Variants in TMEM102 observed in about 807,000 individuals in gnomAD.
TMEM102 encodes the protein DANGER family member 2B.
Under a neutral mutation model 26.8 loss-of-function variants are expected in TMEM102, and 28 were observed. The ratio of observed to expected loss-of-function variants is 1.05; its 90% CI spans 0.77 to 1.43. The LOEUF (loss-of-function observed/expected upper bound fraction) is 1.43. Among genes scored for constraint, TMEM102 ranks in the 40% most tolerant of loss-of-function variants. The probability of loss-of-function intolerance (pLI) is 0.00; values close to 1 mark genes in which losing one functional copy is unlikely to be tolerated. For missense variants in TMEM102, 677 were observed against 705.6 expected (o/e 0.96, Z 0.46); for synonymous variants, 306 against 332.1 (o/e 0.92, Z 0.86).
chr17:7,436,455 G>A lies in TMEM102; in HGVS notation c.476G>A (p.Trp159Ter). ...MVCGTPIREM[W>*]QDCLGPPVPG... ...TGCGGAACCCCCATCCGGGAGATGT[G>A]GCAGGATTGCTTAGGACCCCCAGTC... The change falls in exon 3 of 3, where the codon TGG becomes TAG. Residue 159 changes from tryptophan to a stop codon, truncating the protein, a stop_gained. Coordinates refer to ENST00000323206, the MANE Select transcript of TMEM102 (RefSeq NM_178518.3). LOFTEE classifies it low-confidence loss of function (END_TRUNC). 1 of 1,613,824 alleles carries A rather than the reference G, an allele frequency of 6.2e-7. No individual in the cohort carries two copies. Among genetic ancestry groups the A allele is most frequent in the Non-Finnish European group, 8.5e-7 (1 of 1,180,038 alleles).
In TMEM102 at chr17:7,437,370, A is replaced by G. The variant is rs771055675; in HGVS notation, c.1391A>G (p.Asp464Gly). ...AACGGCCGACAGCTCCGTACGGGGGACGACTCCGCTGCGCTGCTCGGAGAA... is the reference window on the plus strand; with the variant it reads ...AACGGCCGACAGCTCCGTACGGGGGGCGACTCCGCTGCGCTGCTCGGAGAA... ...FLNGRQLRTGDDSAALLGELA... is the reference protein window; with the variant it reads ...FLNGRQLRTGGDSAALLGELA... Residue 464 changes from aspartate to glycine, a missense_variant, in exon 3 of 3, where the codon GAC becomes GGC. By Grantham distance (94) the Asp-to-Gly change is moderately conservative (BLOSUM62 -1). Coordinates refer to ENST00000323206, the MANE Select transcript of TMEM102 (RefSeq NM_178518.3). This position sits in a 1 kb window ranked among gnomAD's most constrained non-coding sequence, Gnocchi z 4.2. The G allele has an allele frequency of 1.3e-6, 2 of 1,565,442 alleles. No homozygotes were observed. Among genetic ancestry groups the G allele is most frequent in the South Asian group, 1.2e-5 (1 of 85,212 alleles).
intron 2 of TMEM102, 33 bp from the exon 3 acceptor site, chr17:7,436,161 G>A: frequency 6.2e-7 from 1 of 1,602,496 alleles, no homozygotes; most frequent in Non-Finnish European, 8.5e-7. Flanking sequence ...CCGGCTTTGG[G>A]CGACGCCCTC....
chr17:7,435,710 C>A lies in TMEM102; in HGVS notation c.-20+14C>A. On this transcript the variant is annotated intron_variant, in intron 1 of 2. Transcript: ENST00000323206. Reference sequence around the variant, plus strand: ...AGGATAGAAGAGGTATTTATTTGTTCATTTTGAGGACTAAATTTAGAACCC... The same window carrying A: ...AGGATAGAAGAGGTATTTATTTGTTAATTTTGAGGACTAAATTTAGAACCC... 1 of 651,562 alleles carries A rather than the reference C, an allele frequency of 1.5e-6. No individual in the cohort carries two copies. Among genetic ancestry groups the A allele is most frequent in the Non-Finnish European group, 2.7e-6 (1 of 376,276 alleles). 40.4% of individuals were successfully genotyped at this position (651,562 alleles called of 1,614,324 possible).
chr17:7,436,472 C>A lies in TMEM102; in HGVS notation c.493C>A (p.Pro165Thr). The change falls in exon 3 of 3, where the codon CCC becomes ACC. Residue 165 changes from proline (P) to threonine (T), a missense_variant. By Grantham distance (38) the Pro-to-Thr change is conservative. Transcript: ENST00000323206. ...IREMWQDCLG[P>T]PVPGARDSIH... ...GGAGATGTGGCAGGATTGCTTAGGA[C>A]CCCCAGTCCCAGGAGCACGTGATTC... is the stretch of plus-strand genomic sequence containing the variant. 6.2e-7 allele frequency: 1 copy of A among 1,613,726 alleles called. No individual in the cohort carries two copies. Among genetic ancestry groups the A allele is most frequent in the Non-Finnish European group, 8.5e-7 (1 of 1,180,038 alleles).
At position 7,437,389 on chromosome 17, in the gene TMEM102, C is replaced by G. The variant is rs2150831326; in HGVS notation, c.1410C>G (p.Leu470=). 1 of 1,551,066 alleles carries G rather than the reference C, an allele frequency of 6.4e-7. No individual in the cohort carries two copies. Among genetic ancestry groups the G allele is most frequent in the Non-Finnish European group, 8.7e-7 (1 of 1,149,676 alleles). The part of the protein sequence containing the change: ...LRTGDDSAAL[L]GELARLRGDP... ...CGGGGGACGACTCCGCTGCGCTGCT[C>G]GGAGAATTGGCCCGGCTCCGCGGGG... Residue 470 remains leucine (L), a synonymous_variant, in exon 3 of 3, where the codon CTC becomes CTG. Coordinates refer to ENST00000323206, the MANE Select transcript of TMEM102 (RefSeq NM_178518.3). The surrounding 1 kb of genome is among the most constrained non-coding windows in gnomAD (Gnocchi z 4.2).
Position 7,437,145 on chromosome 17 carries a change from C to T in TMEM102, c.1166C>T (p.Ala389Val). Residue 389 changes from alanine (A) to valine (V), a missense_variant, in exon 3 of 3, where the codon GCC becomes GTC. Physicochemically the swap from Ala to Val is moderately conservative, Grantham distance 64 (BLOSUM62 0). Coordinates refer to ENST00000323206, the MANE Select transcript of TMEM102 (RefSeq NM_178518.3). The surrounding 1 kb of genome is among the most constrained non-coding windows in gnomAD (Gnocchi z 4.2). The stretch of plus-strand genomic sequence containing the variant: ...CCGCTGCTGCAGGCGCACGCGGCGG[C>T]CCAGGCGCTACTGCGCCCGCTGGTG... ...PAPLLQAHAA[A>V]QALLRPLVAG... 1 of 1,469,406 alleles carries T rather than the reference C, an allele frequency of 6.8e-7. No individual in the cohort carries two copies. The highest frequency in any genetic ancestry group is 2.7e-5 in the East Asian group (1 of 36,496). The allele number at this position is 1,469,406 out of a possible 1,614,324, so 91.0% of individuals were successfully genotyped here. A position where few individuals can be genotyped will look rare whatever the true frequency, so the allele number is the denominator to read the frequency against.
Position 7,435,448 on chromosome 17 carries a change from C to A in TMEM102, c.-268C>A. On this transcript the variant is annotated 5_prime_UTR_variant, in exon 1 of 3. Coordinates refer to ENST00000323206, the MANE Select transcript of TMEM102 (RefSeq NM_178518.3). Reference sequence around the variant, plus strand: ...AAATGTAGGGGCGTGGCCACGTGGGCATCAGGAAGAAGTAACCTGTTGAAT... The same window carrying A: ...AAATGTAGGGGCGTGGCCACGTGGGAATCAGGAAGAAGTAACCTGTTGAAT... The A allele has an allele frequency of 6.3e-6, 1 of 159,396 alleles. No homozygotes were observed. Among genetic ancestry groups the A allele is most frequent in the East Asian group, 1.8e-4 (1 of 5,522 alleles). The allele number at this position is 159,396 out of a possible 1,614,324, so 9.9% of individuals were successfully genotyped here. A position where few individuals can be genotyped will look rare whatever the true frequency, so the allele number is the denominator to read the frequency against.
At position 7,437,358 on chromosome 17, in the gene TMEM102, T is replaced by G. The variant is rs1224289887; in HGVS notation, c.1379T>G (p.Leu460Arg). 4 of 1,568,760 alleles carry G rather than the reference T, an allele frequency of 2.5e-6. No homozygotes were observed. Among genetic ancestry groups the G allele is most frequent in the Non-Finnish European group, 2.6e-6 (3 of 1,159,576 alleles). ...CACTATTTTCTGAACGGCCGACAGC[T>G]CCGTACGGGGGACGACTCCGCTGCG... ...LPHYFLNGRQ[L>R]RTGDDSAALL... is the part of the protein sequence containing the mutation. The change falls in exon 3 of 3, where the codon CTC (leucine) becomes CGC (arginine). Residue 460 changes from leucine to arginine, a missense_variant. Physicochemically the swap from Leu to Arg is moderately radical, Grantham distance 102 (BLOSUM62 -2). Transcript: ENST00000323206. This position sits in a 1 kb window ranked among gnomAD's most constrained non-coding sequence, Gnocchi z 4.2.
chr17:7,436,491 G>A lies in TMEM102; in HGVS notation c.512G>A (p.Arg171His), dbSNP rs1264888890. ...TTAGGACCCCCAGTCCCAGGAGCAC[G>A]TGATTCGATCCACCGAACGGAGAGC... ...DCLGPPVPGA[R>H]DSIHRTESEE... The change falls in exon 3 of 3, where the codon CGT becomes CAT. Residue 171 changes from arginine (R) to histidine (H), a missense_variant. Arg to His is a conservative substitution (Grantham distance 29). Transcript: ENST00000323206. 1 of 1,613,858 alleles carries A rather than the reference G, an allele frequency of 6.2e-7. No individual in the cohort carries two copies.
rs141257669 is a variant in TMEM102, at chr17:7,436,563, G to T, written c.584G>T (p.Ser195Ile). ...DWQSSVDQPH[S>I]YVTEHEAPVS... ...CAAAGCTCTGTAGACCAGCCGCACAGCTACGTCACTGAGCACGAGGCGCCG... is the reference window on the plus strand; with the variant it reads ...CAAAGCTCTGTAGACCAGCCGCACATCTACGTCACTGAGCACGAGGCGCCG... Residue 195 changes from serine (S) to isoleucine (I), a missense_variant, in exon 3 of 3, where the codon AGC becomes ATC. By Grantham distance (142) the Ser-to-Ile change is moderately radical. Transcript: ENST00000323206. 689 of 1,614,060 alleles carry T rather than the reference G, an allele frequency of 4.3e-4. 6 individuals are homozygous for T. The South Asian group carries it at 4.6e-3, about 11-fold the overall frequency.
At position 7,437,444 on chromosome 17, in the gene TMEM102, G is replaced by A. The variant is rs779091165; in HGVS notation, c.1465G>A (p.Glu489Lys). 6.9e-6 allele frequency: 10 copies of A among 1,458,968 alleles called. No homozygotes were observed. The highest frequency in any genetic ancestry group is 1.4e-5 in the South Asian group (1 of 72,390). The allele number at this position is 1,458,968 out of a possible 1,614,324, so 90.4% of individuals were successfully genotyped here. The change falls in exon 3 of 3, where the codon GAG becomes AAG. Residue 489 changes from glutamate to lysine, a missense_variant. Transcript: ENST00000323206. The surrounding 1 kb of genome is among the most constrained non-coding windows in gnomAD (Gnocchi z 4.2). ...DPARALRAAV[E>K]EAKVARKGGG... The stretch of plus-strand genomic sequence containing the variant: ...GGCCCGGGCCCTCCGTGCCGCGGTG[G>A]AGGAGGCCAAAGTGGCCCGCAAGGG...
chr17:7,436,613 G>C lies in TMEM102; in HGVS notation c.634G>C (p.Asp212His). The C allele has an allele frequency of 6.2e-7, 1 of 1,614,004 alleles. No individual in the cohort carries two copies. The highest frequency in any genetic ancestry group is 8.5e-7 in the Non-Finnish European group (1 of 1,180,026). Residue 212 changes from aspartate (D) to histidine (H), a missense_variant, in exon 3 of 3, where the codon GAC becomes CAC. Physicochemically the swap from Asp to His is moderately conservative, Grantham distance 81. Coordinates refer to ENST00000323206, the MANE Select transcript of TMEM102 (RefSeq NM_178518.3). Reference protein sequence around the residue: ...APVSLEKSPSDVSASESPQHD... With the variant: ...APVSLEKSPSHVSASESPQHD... ...GGTGTCTTTGGAAAAATCGCCTAGT[G>C]ACGTTTCAGCGTCCGAGTCGCCTCA...
In TMEM102 at chr17:7,436,412, T is replaced by G; in HGVS notation, c.433T>G (p.Cys145Gly). The G allele has an allele frequency of 6.2e-7, 1 of 1,613,906 alleles. No homozygotes were observed. The highest frequency in any genetic ancestry group is 1.7e-5 in the Admixed American group (1 of 60,030). The change falls in exon 3 of 3, where the codon TGC becomes GGC. Residue 145 changes from cysteine (C) to glycine (G), a missense_variant. Coordinates refer to ENST00000323206, the MANE Select transcript of TMEM102 (RefSeq NM_178518.3). Reference sequence around the variant, plus strand: ...CCTGGAATCCTGTTACGCACAGGTCTGCCTCCCAGAGATGGTGTGCGGAAC... The same window carrying G: ...CCTGGAATCCTGTTACGCACAGGTCGGCCTCCCAGAGATGGTGTGCGGAAC... ...LDLESCYAQV[C>G]LPEMVCGTPI...
Position 7,437,466 on chromosome 17 carries a change from A to G in TMEM102, c.1487A>G (p.Lys496Arg). ...GTGGAGGAGGCCAAAGTGGCCCGCA[A>G]GGGGGGCGGTTTGGCGGGCGTGGGG... ...AAVEEAKVAR[K>R]GGGLAGVGGG... Residue 496 changes from lysine (K) to arginine (R), a missense_variant, in exon 3 of 3, where the codon AAG becomes AGG. By Grantham distance (26) the Lys-to-Arg change is conservative. Coordinates refer to ENST00000323206, the MANE Select transcript of TMEM102 (RefSeq NM_178518.3). This position sits in a 1 kb window ranked among gnomAD's most constrained non-coding sequence, Gnocchi z 4.2. The G allele has an allele frequency of 7.1e-7, 1 of 1,410,804 alleles. No individual in the cohort carries two copies. The highest frequency in any genetic ancestry group is 9.2e-7 in the Non-Finnish European group (1 of 1,082,070). 87.4% of individuals were successfully genotyped at this position (1,410,804 alleles called of 1,614,324 possible).
In TMEM102 at chr17:7,437,046, A is replaced by G. The variant is rs1303018272; in HGVS notation, c.1067A>G (p.Glu356Gly). 5.1e-6 allele frequency: 8 copies of G among 1,574,750 alleles called. No homozygotes were observed. The highest frequency in any genetic ancestry group is 6.9e-6 in the Non-Finnish European group (8 of 1,167,798). Residue 356 changes from glutamate (E) to glycine (G), a missense_variant, in exon 3 of 3, where the codon GAG becomes GGG. Transcript: ENST00000323206. The surrounding 1 kb of genome is among the most constrained non-coding windows in gnomAD (Gnocchi z 4.2). ...TACCTGGTGCCCGGTGGCGGCACCG[A>G]GCGGCCGTGCGCCTCCGCCTGGCAG... ...SFYLVPGGGT[E>G]RPCASAWQLC... is the part of the protein sequence containing the mutation.
In TMEM102 at chr17:7,437,303, G is replaced by C; in HGVS notation, c.1324G>C (p.Gly442Arg). 1 of 1,549,400 alleles carries C rather than the reference G, an allele frequency of 6.5e-7. No homozygotes were observed. Among genetic ancestry groups the C allele is most frequent in the South Asian group, 1.2e-5 (1 of 82,310 alleles). ...CTGCCTCGGGCTGCTAGACGAGCTC[G>C]GCCGAGTGCTCGAGGCCGGGACGTT... ...ACCLGLLDELGRVLEAGTLPH... is the reference protein window; with the variant it reads ...ACCLGLLDELRRVLEAGTLPH... The change falls in exon 3 of 3, where the codon GGC (glycine) becomes CGC (arginine). Residue 442 changes from glycine (G) to arginine (R), a missense_variant. Transcript: ENST00000323206. This position sits in a 1 kb window ranked among gnomAD's most constrained non-coding sequence, Gnocchi z 4.2.
chr17:7,436,573 T>C lies in TMEM102; in HGVS notation c.594T>C (p.Thr198=). 1 of 1,613,990 alleles carries C rather than the reference T, an allele frequency of 6.2e-7. No individual in the cohort carries two copies. The highest frequency in any genetic ancestry group is 8.5e-7 in the Non-Finnish European group (1 of 1,179,974). Residue 198 remains threonine, a synonymous_variant, in exon 3 of 3, where the codon ACT becomes ACC. Transcript: ENST00000323206. ...TAGACCAGCCGCACAGCTACGTCAC[T>C]GAGCACGAGGCGCCGGTGTCTTTGG... ...SSVDQPHSYV[T]EHEAPVSLEK... is the part of the protein sequence containing the mutation.
intron 1 of TMEM102, 24 bp from the exon 2 acceptor site, chr17:7,435,829 A>G (rs1285461203): frequency 1.3e-6 from 2 of 1,525,136 alleles, no homozygotes; most frequent in Non-Finnish European, 1.8e-6. Context: ...CAGCAAAGCC[A>G]CCTCCCTTCC....
Position 7,435,956 on chromosome 17 carries a change from T to G in TMEM102, c.85T>G (p.Cys29Gly), listed in dbSNP as rs1907995519. ...PARPLTDIDF[C>G]SGAQLQELTQ... is the part of the protein sequence containing the mutation. ...TCGGCCGCTCACGGACATCGACTTC[T>G]GCTCCGGGGCGCAGCTGCAGGAATT... Residue 29 changes from cysteine to glycine, a missense_variant, in exon 2 of 3, where the codon TGC becomes GGC. Transcript: ENST00000323206. 1 of 1,612,948 alleles carries G rather than the reference T, an allele frequency of 6.2e-7. No homozygotes were observed. The highest frequency in any genetic ancestry group is 1.1e-5 in the South Asian group (1 of 91,070).
Sources: allele counts gnomAD v4.1 joint callset, GRCh38; gene constraint gnomAD v4.1.1; non-coding constraint Gnocchi (gnomAD v3.1); transcripts MANE v1.5; gene names NCBI Gene and HGNC (gene_info 2026-07-23, HGNC 2026-07-21).